Variants in SCRN3 observed in about 807,000 individuals in gnomAD.
SCRN3 encodes the protein secernin-3.
SCRN3 carries 39 observed loss-of-function variants against 43.1 expected under a neutral mutation model. The observed-to-expected ratio is 0.91, with a 90% confidence interval of 0.70 to 1.18. The LOEUF (loss-of-function observed/expected upper bound fraction) is 1.18. Ranked by LOEUF, SCRN3 falls within the 50% of genes most tolerant of loss-of-function variation. The pLI is 0.00. For missense variants in SCRN3, 484 were observed against 498.0 expected, an observed-to-expected ratio of 0.97 and a Z score of 0.27; for synonymous variants, 147 against 163.1, an observed-to-expected ratio of 0.90 and a Z score of 0.75.
chr2:174,402,161 A>G (rs536424579), intron 4 of SCRN3, among the ~76,000 whole-genome samples: 24 of 152,262 alleles, frequency 1.6e-4, no homozygotes, highest in Admixed American at 1.2e-3. Flanking sequence ...TCTTTTTGTG[A>G]TAATTGGCTT....
At chr2:174,424,074 A>C (rs1686395651) in intron 6 of SCRN3, among the ~76,000 whole-genome samples, 1 of 152,080 alleles carries the variant, frequency 6.6e-6, no homozygotes, top group Non-Finnish European at 1.5e-5. Flanking sequence ...TACAGGCATG[A>C]GCCACTGTGC....
intron 5 of SCRN3, among the ~76,000 whole-genome samples, chr2:174,409,702 G>A (rs1371826770): frequency 2.8e-4 from 39 of 140,550 alleles, no homozygotes; most frequent in African/African-American, 9.1e-4. Context: ...CTGCAGGTCT[G>A]TTGGAATACC....
At chr2:174,427,121 C>T (rs1423980083) in intron 7 of SCRN3, among the ~76,000 whole-genome samples, 2 of 152,244 alleles carry the variant, frequency 1.3e-5, no homozygotes, top group African/African-American at 2.4e-5. Context: ...TGAGCCACTG[C>T]GCCTGGCCAA....
In SCRN3 at chr2:174,423,777, CT is replaced by C. The variant is rs67646903; in HGVS notation, c.918-672del. On this transcript the variant is annotated intron_variant, in intron 6 of 7. Transcript: ENST00000272732. ...AGCCACCGCACCCGGCCAAGTCTTCCTTTTTTTTTTTTTTTTTTTTTTTTTT... is the reference window on the plus strand; with the variant it reads ...AGCCACCGCACCCGGCCAAGTCTTCCTTTTTTTTTTTTTTTTTTTTTTTTT... 9.6e-3 allele frequency among the ~76,000 whole-genome samples: 919 copies of C among 95,834 alleles called. 18 individuals carry two copies. The highest frequency in any genetic ancestry group is 0.052 in the East Asian group (209 of 4,004). The allele number at this position is 95,834 out of a possible 152,430, so 62.9% of individuals were successfully genotyped here.
chr2:174,395,989 G>A lies in SCRN3; in HGVS notation c.-10+172G>A, dbSNP rs1037081181. The A allele has an allele frequency of 4.4e-6, 6 of 1,374,984 alleles. No individual in the cohort carries two copies. The African/African-American group carries it at 8.8e-5, about 20-fold the overall frequency. 85.2% of individuals were successfully genotyped at this position (1,374,984 alleles called of 1,614,324 possible). The stretch of plus-strand genomic sequence containing the variant: ...GGACCGCGGCGGCCCTTCGACCAAA[G>A]GTGCTTGAAGCTCGAGCCCATTACT... On this transcript the variant is annotated intron_variant, in intron 1 of 7. Transcript: ENST00000272732.
intron 5 of SCRN3, among the ~76,000 whole-genome samples, chr2:174,416,094 A>T (rs559962600): frequency 6.6e-6 from 1 of 152,356 alleles, no homozygotes; most frequent in Non-Finnish European, 1.5e-5. Flanking sequence ...ACAACAGTAC[A>T]GGATGGCTTG....
chr2:174,418,963 A>T (rs1308371084), intron 5 of SCRN3, among the ~76,000 whole-genome samples: 1 of 152,224 alleles, frequency 6.6e-6, no homozygotes, highest in Non-Finnish European at 1.5e-5. Flanking sequence ...GAAACTGGAT[A>T]AGAGAATGTA....
At chr2:174,395,877 A>G (rs773585701) in intron 1 of SCRN3, 60 bp downstream of exon 1, 8 of 1,448,832 alleles carry the variant, frequency 5.5e-6, no homozygotes, top group Non-Finnish European at 7.3e-6. Flanking sequence ...GGAAGACCCA[A>G]CTGTGGCGCG....
At chr2:174,404,617 C>G (rs1685628670) in intron 5 of SCRN3, among the ~76,000 whole-genome samples, 1 of 110,704 alleles carries the variant, frequency 9.0e-6, no homozygotes, top group South Asian at 3.7e-4. Flanking sequence ...TCCCCCCACC[C>G]CACCACAGTC....
chr2:174,399,504 T>C (rs946954706), intron 2 of SCRN3, among the ~76,000 whole-genome samples: 1 of 152,240 alleles, frequency 6.6e-6, no homozygotes, highest in Admixed American at 6.5e-5. Flanking sequence ...CTCACACATC[T>C]ACAAAAATGT....
chr2:174,400,593 A>G (rs1685475309), intron 3 of SCRN3, among the ~76,000 whole-genome samples: 1 of 152,202 alleles, frequency 6.6e-6, no homozygotes, highest in South Asian at 2.1e-4. Flanking sequence ...CACCATGCCC[A>G]GCTTTCAGAT....
intron 7 of SCRN3, among the ~76,000 whole-genome samples, chr2:174,427,394 G>A (rs1384502047): frequency 6.6e-6 from 1 of 152,088 alleles, no homozygotes; most frequent in Non-Finnish European, 1.5e-5. Context: ...TCAGTTTTCA[G>A]CAACCTTCCA....
intron 5 of SCRN3, among the ~76,000 whole-genome samples, chr2:174,414,343 G>T (rs556986923): frequency 3.3e-5 from 5 of 152,094 alleles, no homozygotes; most frequent in African/African-American, 7.2e-5. Context: ...GAGATACTTA[G>T]TTTTTTTTCC....
rs1223818993 is a variant in SCRN3 at position 174,428,104 on chromosome 2, C to T, written c.*209C>T. 8 of 347,772 alleles carry T rather than the reference C, an allele frequency of 2.3e-5. No individual in the cohort carries two copies. Among genetic ancestry groups the T allele is most frequent in the Admixed American group, 4.7e-5 (1 of 21,422 alleles). 21.5% of individuals were successfully genotyped at this position (347,772 alleles called of 1,614,324 possible). A position where few individuals can be genotyped will look rare whatever the true frequency, so the allele number is the denominator to read the frequency against. On this transcript the variant is annotated 3_prime_UTR_variant, in exon 8 of 8. Coordinates refer to ENST00000272732, the MANE Select transcript of SCRN3 (RefSeq NM_024583.5). ...CAGCATTGGAATTGGATTCATGTATCGTGGGATACAGGTGTTATTTCAGGT... is the reference window on the plus strand; with the variant it reads ...CAGCATTGGAATTGGATTCATGTATTGTGGGATACAGGTGTTATTTCAGGT...
chr2:174,426,398 G>T (rs568442613), intron 7 of SCRN3, among the ~76,000 whole-genome samples: 1 of 152,226 alleles, frequency 6.6e-6, no homozygotes, highest in East Asian at 1.9e-4. Flanking sequence ...GAAAAAAGCT[G>T]CATACAATTT....
intron 4 of SCRN3, among the ~76,000 whole-genome samples, chr2:174,403,509 A>G (rs917417282): frequency 2.0e-5 from 3 of 150,902 alleles, no homozygotes; most frequent in Admixed American, 6.6e-5. Flanking sequence ...ATACATTCAT[A>G]CCATGGAATA....
Position 174,423,782 on chromosome 2 carries a change from T to C in SCRN3, c.918-693T>C, listed in dbSNP as rs1445341993. On this transcript the variant is annotated intron_variant, in intron 6 of 7. Transcript: ENST00000272732. ...CCGCACCCGGCCAAGTCTTCCTTTT[T>C]TTTTTTTTTTTTTTTTTTTTTGACA... 1.3e-4 allele frequency among the ~76,000 whole-genome samples: 19 copies of C among 140,848 alleles called. 1 individual carries two copies. The highest frequency in any genetic ancestry group is 3.5e-4 in the Admixed American group (5 of 14,244). The allele number at this position is 140,848 out of a possible 152,430, so 92.4% of individuals were successfully genotyped here.
rs1685400352 is a variant in SCRN3, at chr2:174,398,457, T to C, written c.159+15T>C. ...AACGTCTTAAGGTAGGTGAAATAAATGTTTTGTTAGCAATATGCCTTTTAA... is the reference window on the plus strand; with the variant it reads ...AACGTCTTAAGGTAGGTGAAATAAACGTTTTGTTAGCAATATGCCTTTTAA... On this transcript the variant is annotated intron_variant, in intron 2 of 7. Coordinates refer to ENST00000272732, the MANE Select transcript of SCRN3 (RefSeq NM_024583.5). 2.5e-6 allele frequency: 4 copies of C among 1,579,762 alleles called. No homozygotes were observed. Among genetic ancestry groups the C allele is most frequent in the Non-Finnish European group, 3.4e-6 (4 of 1,169,098 alleles).
chr2:174,397,775 G>A (rs991058303), intron 1 of SCRN3, among the ~76,000 whole-genome samples: 9 of 152,120 alleles, frequency 5.9e-5, no homozygotes, highest in African/African-American at 2.2e-4. Context: ...CTAGGTACAC[G>A]GATTCCCAAA....
Sources: allele counts gnomAD v4.1 joint callset (sites outside exome capture counted in the v4.1 genomes callset), GRCh38; gene constraint gnomAD v4.1.1; transcripts MANE v1.5; gene names NCBI Gene and HGNC (gene_info 2026-07-23, HGNC 2026-07-21).